The following NCBP2L variants were observed in gnomAD, a reference collection of about 807,000 sequenced individuals.
NCBP2L encodes the protein nuclear cap binding protein subunit 2 like.
For missense variants in NCBP2L, 95 were observed against 53.1 expected, an observed-to-expected ratio of 1.79 and a Z score of -2.45; for synonymous variants, 39 against 19.2, an observed-to-expected ratio of 2.04 and a Z score of -2.70.
At chrX:107,780,066 C>G (rs776411230) in intron 1 of NCBP2L, among the ~76,000 whole-genome samples, 245 of 111,191 alleles carry the variant, frequency 2.2e-3, no homozygotes, top group Middle Eastern at 4.6e-3. Flanking sequence ...TTAGGGGTCC[C>G]TGTTCTAAGG....
At chrX:107,793,135 A>G (rs1213956763) in intron 1 of NCBP2L, among the ~76,000 whole-genome samples, 1 of 112,083 alleles carries the variant, frequency 8.9e-6, no homozygotes, top group Non-Finnish European at 1.9e-5. Context: ...TAGAGTGCTT[A>G]TTAAATGTTT....
intron 1 of NCBP2L, among the ~76,000 whole-genome samples, chrX:107,781,672 A>C (rs187198590): frequency 0.029 from 1,783 of 62,176 alleles, 45 homozygotes; most frequent in Middle Eastern, 0.075. Flanking sequence ...CTATCTATCT[A>C]TCTATCTCTC....
intron 1 of NCBP2L, among the ~76,000 whole-genome samples, chrX:107,791,130 ATAAAG>A (rs1041228189): frequency 5.3e-5 from 6 of 112,742 alleles, no homozygotes; most frequent in Non-Finnish European, 1.1e-4. Flanking sequence ...GAAGAGAAGA[ATAAAG>A]TAGAGGATGC....
chrX:107,779,491 C>T (rs1415344725), intron 1 of NCBP2L, among the ~76,000 whole-genome samples: 1 of 112,010 alleles, frequency 8.9e-6, no homozygotes, highest in Non-Finnish European at 1.9e-5. Flanking sequence ...GACAATGGTG[C>T]GATTTTAACT....
At chrX:107,785,627 C>T (rs925884310) in intron 1 of NCBP2L, among the ~76,000 whole-genome samples, 1 of 111,632 alleles carries the variant, frequency 9.0e-6, no homozygotes, top group Non-Finnish European at 1.9e-5. Flanking sequence ...CCCTCTCCAT[C>T]CTGGGGGCCC....
chrX:107,794,796 A>AT lies in NCBP2L; in HGVS notation c.*121dup, dbSNP rs1176166684. 7 of 390,723 alleles carry AT rather than the reference A, an allele frequency of 1.8e-5. No individual in the cohort carries two copies. Among genetic ancestry groups the AT allele is most frequent in the African/African-American group, 2.6e-5 (1 of 39,154 alleles). 32.2% of individuals were successfully genotyped at this position (390,723 alleles called of 1,213,427 possible). ...TTTAAATTACCTTACTTGTTGATGT[A>AT]TTTTTTTCTCTGAAAATTTGTTAAA... is the stretch of plus-strand genomic sequence containing the variant. On this transcript the variant is annotated 3_prime_UTR_variant, in exon 2 of 2. Transcript: ENST00000509000.
chrX:107,787,011 G>T (rs1018783809), intron 1 of NCBP2L, among the ~76,000 whole-genome samples: 18 of 111,929 alleles, frequency 1.6e-4, no homozygotes, highest in African/African-American at 5.5e-4. Context: ...AAGGGACAGA[G>T]AATTTTGTTA....
intron 1 of NCBP2L, among the ~76,000 whole-genome samples, chrX:107,789,448 A>G (rs925097817): frequency 9.1e-6 from 1 of 110,492 alleles, no homozygotes; most frequent in Non-Finnish European, 1.9e-5. Context: ...CATTTGCCCT[A>G]TTTCTCTTCT....
chrX:107,788,144 C>A (rs1335480776), intron 1 of NCBP2L, among the ~76,000 whole-genome samples: 1 of 111,690 alleles, frequency 9.0e-6, no homozygotes, highest in Non-Finnish European at 1.9e-5. Context: ...AGGAAATATT[C>A]TCTCACAGTG....
intron 1 of NCBP2L, among the ~76,000 whole-genome samples, chrX:107,782,252 T>A (rs1200934459): frequency 1.5e-4 from 3 of 20,088 alleles, no homozygotes; most frequent in East Asian, 1.4e-3. Flanking sequence ...TATATATAAA[T>A]ATATATATAA....
At chrX:107,781,720 A>C in intron 1 of NCBP2L, among the ~76,000 whole-genome samples, 1 of 90,408 alleles carries the variant, frequency 1.1e-5, no homozygotes, top group South Asian at 5.0e-4. Context: ...AGATCTATAG[A>C]TATCTATAGA....
chrX:107,784,969 A>T (rs1930377815), intron 1 of NCBP2L, among the ~76,000 whole-genome samples: 1 of 106,379 alleles, frequency 9.4e-6, no homozygotes, highest in Non-Finnish European at 1.9e-5. Context: ...ACAGAATGAG[A>T]CCTTGTCTCA....
rs769083822 is a variant in NCBP2L, at chrX:107,783,358, C to CTTT, written c.-73+5519_-73+5521dup. On this transcript the variant is annotated intron_variant, in intron 1 of 1. Coordinates refer to ENST00000509000, the MANE Select transcript of NCBP2L (RefSeq NM_001348372.2). ...ATTAGCCTGGCATGGTGGCACTTGC[C>CTTT]TTTTTTTTTTTTTTTTTTTTTATTT... 2.6e-3 allele frequency among the ~76,000 whole-genome samples: 158 copies of CTTT among 61,872 alleles called. 2 individuals carry two copies. Among genetic ancestry groups the CTTT allele is most frequent in the Middle Eastern group, 0.011 (1 of 92 alleles). The allele number at this position is 61,872 out of a possible 115,157, so 53.7% of individuals were successfully genotyped here. A position where few individuals can be genotyped will look rare whatever the true frequency, so the allele number is the denominator to read the frequency against.
chrX:107,792,007 C>T (rs1930458185), intron 1 of NCBP2L, among the ~76,000 whole-genome samples: 1 of 112,227 alleles, frequency 8.9e-6, no homozygotes, highest in African/African-American at 3.2e-5. Context: ...TAGCTCAAGG[C>T]AGCCCATTGT....
At position 107,782,196 on chromosome X, in the gene NCBP2L, AATATATATATATAAATATATATATAAAT is replaced by A. The variant is rs1569457219; in HGVS notation, c.-73+4350_-73+4377del. On this transcript the variant is annotated intron_variant, in intron 1 of 1. Coordinates refer to ENST00000509000, the MANE Select transcript of NCBP2L (RefSeq NM_001348372.2). ...ATATATATATAAATATATATATATA[AATATATATATATAAATATATATATAAAT>A]ATATATATATAAATATATATATATA... is the stretch of plus-strand genomic sequence containing the variant. Among the ~76,000 whole-genome samples, 44 of 19,527 alleles carry A rather than the reference AATATATATATATAAATATATATATAAAT, an allele frequency of 2.3e-3. 3 individuals are homozygous for A. The highest frequency in any genetic ancestry group is 0.011 in the African/African-American group (35 of 3,162). The allele number at this position is 19,527 out of a possible 115,157, so 17.0% of individuals were successfully genotyped here. A position where few individuals can be genotyped will look rare whatever the true frequency, so the allele number is the denominator to read the frequency against.
At chrX:107,793,556 A>G (rs968879583) in intron 1 of NCBP2L, among the ~76,000 whole-genome samples, 2 of 112,023 alleles carry the variant, frequency 1.8e-5, no homozygotes, top group Non-Finnish European at 3.8e-5. Flanking sequence ...AACAAGTGGA[A>G]TTATTGCCAA....
intron 1 of NCBP2L, among the ~76,000 whole-genome samples, chrX:107,785,871 G>A (rs1930389238): frequency 9.0e-6 from 1 of 110,906 alleles, no homozygotes; most frequent in Non-Finnish European, 1.9e-5. Context: ...AAACTGCAGA[G>A]AGCAGGGCAG....
Position 107,794,480 on chromosome X carries a change from A to G in NCBP2L, c.260A>G (p.His87Arg), listed in dbSNP as rs760879365. The G allele has an allele frequency of 2.6e-5, 15 of 569,092 alleles. No individual in the cohort carries two copies. The highest frequency in any genetic ancestry group is 8.9e-5 in the Admixed American group (4 of 44,991). 46.9% of individuals were successfully genotyped at this position (569,092 alleles called of 1,213,427 possible). ...TGTGGTTTTTGCTTTGTAGAATGCC[A>G]TAACAGAGCTGATGCTGAAAATGCC... ...TACGFCFVEC[H>R]NRADAENAMR... The change falls in exon 2 of 2, where the codon CAT becomes CGT. Residue 87 changes from histidine to arginine, a missense_variant. Physicochemically the swap from His to Arg is conservative, Grantham distance 29 (BLOSUM62 0). Transcript: ENST00000509000.
At chrX:107,781,672 A>ATCTCTCTCTCTCTCTC (rs1203106428) in intron 1 of NCBP2L, among the ~76,000 whole-genome samples, 1 of 62,667 alleles carries the variant, frequency 1.6e-5, no homozygotes, top group African/African-American at 1.2e-4. Context: ...CTATCTATCT[A>ATCTCTCTCTCTCTCTC]TCTATCTCTC....
Sources: gnomAD v4.1 joint callset for allele counts (sites outside exome capture counted in the v4.1 genomes callset) on GRCh38, gnomAD v4.1.1 for gene constraint, MANE v1.5 for transcripts, NCBI Gene and HGNC (gene_info 2026-07-23, HGNC 2026-07-21) for gene names.